Variants in MPPED2 observed in about 807,000 individuals in gnomAD.
MPPED2 encodes metallophosphoesterase domain containing 2.
In MPPED2, 5 loss-of-function variants were observed where a neutral mutation model predicts 33.0. That is an observed-to-expected ratio of 0.15 (90% CI 0.08 to 0.32). The LOEUF (loss-of-function observed/expected upper bound fraction) is 0.32. Among genes scored for constraint, MPPED2 ranks in the 10% least tolerant of loss-of-function variants. The pLI, the probability that MPPED2 is intolerant of heterozygous loss-of-function variation, is 1.00. For synonymous variants in MPPED2, 136 were observed against 141.9 expected (o/e 0.96, Z 0.29); for missense variants, 275 against 372.1 (o/e 0.74, Z 2.15).
At chr11:30,506,402 G>A (rs2061418) in intron 3 of MPPED2, among the ~76,000 whole-genome samples, 7,106 of 152,074 alleles carry the variant, frequency 0.047, 554 homozygotes, top group African/African-American at 0.16. Context: ...TCAGAATAAG[G>A]AGCCCATCTC....
At chr11:30,529,572 C>G (rs1240008697) in intron 3 of MPPED2, among the ~76,000 whole-genome samples, 1 of 152,074 alleles carries the variant, frequency 6.6e-6, no homozygotes, top group Non-Finnish European at 1.5e-5. Flanking sequence ...TACATGAATT[C>G]ACACTAATGT....
At chr11:30,541,628 C>G (rs547564850) in intron 2 of MPPED2, among the ~76,000 whole-genome samples, 4 of 152,248 alleles carry the variant, frequency 2.6e-5, no homozygotes, top group Admixed American at 2.6e-4. Flanking sequence ...TTTTTTTAGA[C>G]AGTGTCTAAA....
At chr11:30,454,534 G>C (rs1950197843) in intron 4 of MPPED2, among the ~76,000 whole-genome samples, 1 of 150,830 alleles carries the variant, frequency 6.6e-6, no homozygotes, top group African/African-American at 2.4e-5. Context: ...TAATAAAGAT[G>C]GCCTTTGAAA....
intron 6 of MPPED2, among the ~76,000 whole-genome samples, chr11:30,396,755 C>G (rs1385149045): frequency 6.6e-6 from 1 of 152,020 alleles, no homozygotes; most frequent in Non-Finnish European, 1.5e-5. Context: ...CACATGCAAA[C>G]TAGAATTCAT....
At chr11:30,404,516 C>T (rs1427789550) in intron 6 of MPPED2, among the ~76,000 whole-genome samples, 2 of 152,232 alleles carry the variant, frequency 1.3e-5, no homozygotes, top group Admixed American at 1.3e-4. Flanking sequence ...TTGGGATTGA[C>T]ACTGCCATTA....
intron 1 of MPPED2, among the ~76,000 whole-genome samples, chr11:30,583,145 T>C (rs1232525357): frequency 5.3e-4 from 22 of 41,776 alleles, no homozygotes; most frequent in Middle Eastern, 8.9e-3. Flanking sequence ...TTTTTTTTTT[T>C]TTTTTTTTTT....
chr11:30,402,527 G>A (rs1009270267), intron 6 of MPPED2, among the ~76,000 whole-genome samples: 7 of 152,152 alleles, frequency 4.6e-5, no homozygotes, highest in African/African-American at 1.7e-4. Flanking sequence ...CACCTGTCCT[G>A]AGATCAGAGA....
intron 4 of MPPED2, among the ~76,000 whole-genome samples, chr11:30,458,804 CAGGAACCATG>C (rs1950389601): frequency 6.6e-6 from 1 of 151,002 alleles, no homozygotes; most frequent in Non-Finnish European, 1.5e-5. Context: ...GACTTGTATT[CAGGAACCATG>C]TGTTCTAAAG....
chr11:30,496,161 T>A (rs533039492), intron 3 of MPPED2, among the ~76,000 whole-genome samples: 1 of 152,204 alleles, frequency 6.6e-6, no homozygotes, highest in Non-Finnish European at 1.5e-5. Context: ...AGTTTAACCC[T>A]CTTTTAATAT....
intron 2 of MPPED2, among the ~76,000 whole-genome samples, chr11:30,546,319 T>G (rs946062679): frequency 6.6e-5 from 10 of 152,142 alleles, no homozygotes; most frequent in African/African-American, 1.7e-4. Context: ...GAAAGAACAT[T>G]AAGAGCCATC....
intron 6 of MPPED2, among the ~76,000 whole-genome samples, chr11:30,396,605 C>A (rs1330679283): frequency 6.6e-6 from 1 of 152,132 alleles, no homozygotes; most frequent in East Asian, 1.9e-4. Flanking sequence ...ATAGTCACAC[C>A]TTCCTACATC....
intron 5 of MPPED2, among the ~76,000 whole-genome samples, chr11:30,416,299 A>G (rs2133762749): frequency 6.6e-6 from 1 of 152,356 alleles, no homozygotes; most frequent in East Asian, 1.9e-4. Context: ...ATGTGCCACT[A>G]TGGCCTCCGC....
chr11:30,573,993 A>T (rs929916668), intron 2 of MPPED2, among the ~76,000 whole-genome samples: 2 of 152,244 alleles, frequency 1.3e-5, no homozygotes, highest in African/African-American at 4.8e-5. Context: ...AACAAGTTTT[A>T]AAAAATTAAA....
At chr11:30,415,087 G>A (rs992863664) in intron 5 of MPPED2, among the ~76,000 whole-genome samples, 1 of 152,188 alleles carries the variant, frequency 6.6e-6, no homozygotes, top group Non-Finnish European at 1.5e-5. Flanking sequence ...CATAAAGAAG[G>A]CAGGTAGGAT....
chr11:30,475,461 T>C (rs1015662629), intron 4 of MPPED2, among the ~76,000 whole-genome samples: 3 of 152,154 alleles, frequency 2.0e-5, no homozygotes, highest in African/African-American at 7.2e-5. Flanking sequence ...TCTTTCCCTC[T>C]GTCCCCAGTC....
At chr11:30,557,791 G>C (rs1046336668) in intron 2 of MPPED2, among the ~76,000 whole-genome samples, 3 of 152,186 alleles carry the variant, frequency 2.0e-5, no homozygotes, top group Admixed American at 6.5e-5. Flanking sequence ...ATAGTAATAT[G>C]TATGTGAGAA....
chr11:30,553,824 T>C lies in MPPED2; in HGVS notation c.129-17649A>G, dbSNP rs144697075. On this transcript the variant is annotated intron_variant, in intron 2 of 6. Coordinates refer to ENST00000358117, the MANE Select transcript of MPPED2 (RefSeq NM_001584.3). ...CAAGCACCATCTCTGGCACAGAGAGTGTAAGGATTGCAGAATTATTGTCAA... is the reference window on the plus strand; with the variant it reads ...CAAGCACCATCTCTGGCACAGAGAGCGTAAGGATTGCAGAATTATTGTCAA... Among the ~76,000 whole-genome samples, 552 of 151,826 alleles carry C rather than the reference T, an allele frequency of 3.6e-3. 1 individual carries two copies. The highest frequency in any genetic ancestry group is 0.011 in the African/African-American group (445 of 41,358).
intron 2 of MPPED2, among the ~76,000 whole-genome samples, chr11:30,561,004 G>A (rs1356400911): frequency 6.6e-6 from 1 of 152,186 alleles, no homozygotes; most frequent in Admixed American, 6.5e-5. Context: ...TCAACTGTGT[G>A]AGTAATCGTT....
chr11:30,559,589 C>A (rs1040015913), intron 2 of MPPED2, among the ~76,000 whole-genome samples: 2 of 152,096 alleles, frequency 1.3e-5, no homozygotes, highest in Non-Finnish European at 2.9e-5. Context: ...TAGATACATT[C>A]TTTTAAATAA....
Sources: gnomAD v4.1 joint callset for allele counts (sites outside exome capture counted in the v4.1 genomes callset) on GRCh38, gnomAD v4.1.1 for gene constraint, MANE v1.5 for transcripts, NCBI Gene and HGNC (gene_info 2026-07-23, HGNC 2026-07-21) for gene names.